Variants in PCDHGA1 observed in about 807,000 individuals in gnomAD.
PCDHGA1 encodes the protein protocadherin gamma-A1.
Under a neutral mutation model 58.0 loss-of-function variants are expected in PCDHGA1, and 32 were observed. The ratio of observed to expected loss-of-function variants is 0.55; its 90% CI spans 0.42 to 0.74. The LOEUF (loss-of-function observed/expected upper bound fraction) is 0.74. PCDHGA1 is among the 30% of genes least tolerant of loss of function. PCDHGA1 has a pLI of 0.00. For missense variants in PCDHGA1, 1,205 were observed against 1,182.3 expected (o/e 1.02, Z -0.28); for synonymous variants, 498 against 501.1 (o/e 0.99, Z 0.08).
Position 141,491,895 on chromosome 5 carries a change from A to G in PCDHGA1, c.2422-2912A>G. On this transcript the variant is annotated intron_variant, in intron 1 of 3. Transcript: ENST00000517417. This position sits in a 1 kb window ranked among gnomAD's most constrained non-coding sequence, Gnocchi z 6.9. Reference sequence around the variant, plus strand: ...CCGATTAAGGGATGGGGCTCCGAGCACCGGGGGTGGTGGCGACTGTGGGCG... The same window carrying G: ...CCGATTAAGGGATGGGGCTCCGAGCGCCGGGGGTGGTGGCGACTGTGGGCG... 7.0e-7 allele frequency: 1 copy of G among 1,434,306 alleles called. No homozygotes were observed. The highest frequency in any genetic ancestry group is 9.2e-7 in the Non-Finnish European group (1 of 1,084,904). 88.8% of individuals were successfully genotyped at this position (1,434,306 alleles called of 1,614,324 possible). A position where few individuals can be genotyped will look rare whatever the true frequency, so the allele number is the denominator to read the frequency against.
chr5:141,372,133 G>T (rs576893125), intron 1 of PCDHGA1: 18 of 1,613,666 alleles, frequency 1.1e-5, no homozygotes, highest in East Asian at 2.2e-5. Flanking sequence ...ATGGTGCCGC[G>T]CTCTGCAGAG....
chr5:141,383,036 G>T, intron 1 of PCDHGA1: 1 of 1,613,876 alleles, frequency 6.2e-7, no homozygotes, highest in Non-Finnish European at 8.5e-7. Flanking sequence ...TCCTTTGTGG[G>T]AGACATCGCC....
chr5:141,489,459 C>T lies in PCDHGA1; in HGVS notation c.2422-5348C>T. The T allele has an allele frequency of 6.2e-7, 1 of 1,614,086 alleles. No homozygotes were observed. The highest frequency in any genetic ancestry group is 8.5e-7 in the Non-Finnish European group (1 of 1,180,012). On this transcript the variant is annotated intron_variant, in intron 1 of 3. Coordinates refer to ENST00000517417, the MANE Select transcript of PCDHGA1 (RefSeq NM_018912.3). The surrounding 1 kb of genome is among the most constrained non-coding windows in gnomAD (Gnocchi z 4.5). The stretch of plus-strand genomic sequence containing the variant: ...AATTGGGCTCTGAGGAGAATGGGCG[C>T]TATTTTTCCCTGAGCTTGATGAGTG...
chr5:141,468,226 G>T (rs967204965), intron 1 of PCDHGA1, among the ~76,000 whole-genome samples: 2 of 151,038 alleles, frequency 1.3e-5, no homozygotes, highest in Admixed American at 1.3e-4. Flanking sequence ...TTGGGAGGAT[G>T]AGGTAGGAGA....
intron 1 of PCDHGA1, chr5:141,419,783 C>A: frequency 1.2e-6 from 2 of 1,614,070 alleles, no homozygotes; most frequent in Non-Finnish European, 1.7e-6. Context: ...CCGCCAGCGC[C>A]TGCTAGTCGC....
chr5:141,486,012 A>C lies in PCDHGA1; in HGVS notation c.2422-8795A>C. The C allele has an allele frequency of 1.9e-6, 3 of 1,614,064 alleles. No homozygotes were observed. The highest frequency in any genetic ancestry group is 2.5e-6 in the Non-Finnish European group (3 of 1,179,984). On this transcript the variant is annotated intron_variant, in intron 1 of 3. Coordinates refer to ENST00000517417, the MANE Select transcript of PCDHGA1 (RefSeq NM_018912.3). The surrounding 1 kb of genome is among the most constrained non-coding windows in gnomAD (Gnocchi z 5.0). ...GGTCCCAGTGGTAACGTCACCTTTT[A>C]TTTCAGTGGTCATACCCCTGATCGT...
At chr5:141,394,425 G>A (rs2092997484) in intron 1 of PCDHGA1, 6 of 1,614,232 alleles carry the variant, frequency 3.7e-6, no homozygotes, top group Non-Finnish European at 5.1e-6. Flanking sequence ...CAGCGACAGC[G>A]GGGACCCGCC....
intron 1 of PCDHGA1, chr5:141,389,665 C>A (rs1258802999): frequency 6.2e-7 from 1 of 1,612,414 alleles, no homozygotes; most frequent in East Asian, 2.2e-5. Context: ...GCGGTGGACG[C>A]AGACTCAGGA....
rs2090286148 is a variant in PCDHGA1 at position 141,385,565 on chromosome 5, C to T, written c.2421+52460C>T. ...GGACTATCACATTTTATAATTTCCA[C>T]CTACTTTCCAATCTATGTTCCAACC... On this transcript the variant is annotated intron_variant, in intron 1 of 3. Transcript: ENST00000517417. 2.3e-6 allele frequency: 3 copies of T among 1,302,312 alleles called. No homozygotes were observed. In the African/African-American group the frequency reaches 4.6e-5, roughly 20 times the overall value. 80.7% of individuals were successfully genotyped at this position (1,302,312 alleles called of 1,614,324 possible). A position where few individuals can be genotyped will look rare whatever the true frequency, so the allele number is the denominator to read the frequency against.
chr5:141,404,463 A>G lies in PCDHGA1; in HGVS notation c.2421+71358A>G, dbSNP rs969137248. 10 of 1,612,548 alleles carry G rather than the reference A, an allele frequency of 6.2e-6. No homozygotes were observed. In the South Asian group the frequency reaches 9.9e-5, roughly 16 times the overall value. ...ATCCAAGGGTCTCCTCTCTCCACCTATGTCTCTATTAACTCAGACACTGGT... is the reference window on the plus strand; with the variant it reads ...ATCCAAGGGTCTCCTCTCTCCACCTGTGTCTCTATTAACTCAGACACTGGT... On this transcript the variant is annotated intron_variant, in intron 1 of 3. Transcript: ENST00000517417.
rs754537015 is a variant in PCDHGA1 at position 141,431,184 on chromosome 5, T to C, written c.2422-63623T>C. The C allele has an allele frequency of 2.5e-6, 4 of 1,614,090 alleles. No individual in the cohort carries two copies. In the South Asian group the frequency reaches 3.3e-5, roughly 13 times the overall value. ...CGTGAAAGTGAATTAGAAATAAAAATTAGTGAAAATGCAGCCACTGAGATG... is the reference window on the plus strand; with the variant it reads ...CGTGAAAGTGAATTAGAAATAAAAACTAGTGAAAATGCAGCCACTGAGATG... On this transcript the variant is annotated intron_variant, in intron 1 of 3. Coordinates refer to ENST00000517417, the MANE Select transcript of PCDHGA1 (RefSeq NM_018912.3). This position sits in a 1 kb window ranked among gnomAD's most constrained non-coding sequence, Gnocchi z 4.8.
Position 141,476,540 on chromosome 5 carries a change from T to C in PCDHGA1, c.2422-18267T>C, listed in dbSNP as rs148362631. On this transcript the variant is annotated intron_variant, in intron 1 of 3. Coordinates refer to ENST00000517417, the MANE Select transcript of PCDHGA1 (RefSeq NM_018912.3). The surrounding 1 kb of genome is among the most constrained non-coding windows in gnomAD (Gnocchi z 7.6). Reference sequence around the variant, plus strand: ...TGCTTTCCCTACCCAGGAAATGAAATTGGAGATTAGCGAGGCCGTGGCTCC... The same window carrying C: ...TGCTTTCCCTACCCAGGAAATGAAACTGGAGATTAGCGAGGCCGTGGCTCC... 9.4e-5 allele frequency: 151 copies of C among 1,614,122 alleles called. 1 individual carries two copies. In the African/African-American group the frequency reaches 1.3e-3, roughly 14 times the overall value.
chr5:141,410,175 C>T (rs202065305), intron 1 of PCDHGA1: 5 of 1,613,752 alleles, frequency 3.1e-6, no homozygotes, highest in Non-Finnish European at 8.5e-7. Flanking sequence ...TCTGCCACCG[C>T]CACGCTTCAT....
intron 1 of PCDHGA1, chr5:141,351,046 G>T (rs922791130): frequency 6.2e-7 from 1 of 1,614,052 alleles, no homozygotes; most frequent in South Asian, 1.1e-5. Flanking sequence ...TGCGGGTGAT[G>T]GCCACAGACC....
rs529565659 is a variant in PCDHGA1, at chr5:141,353,974, T to C, written c.2421+20869T>C. 7.9e-5 allele frequency among the ~76,000 whole-genome samples: 12 copies of C among 152,368 alleles called. 1 individual carries two copies. The East Asian group carries it at 2.3e-3, about 29-fold the overall frequency. On this transcript the variant is annotated intron_variant, in intron 1 of 3. Transcript: ENST00000517417. ...GGAATAAGCTTAAGAACTGATGTAC[T>C]GCTTTATCTCAAATTTTCACAGATT...
chr5:141,465,627 A>C lies in PCDHGA1; in HGVS notation c.2422-29180A>C, dbSNP rs370355596. 1.1e-4 allele frequency among the ~76,000 whole-genome samples: 17 copies of C among 152,326 alleles called. 1 individual carries two copies. The South Asian group carries it at 3.3e-3, about 30-fold the overall frequency. On this transcript the variant is annotated intron_variant, in intron 1 of 3. Coordinates refer to ENST00000517417, the MANE Select transcript of PCDHGA1 (RefSeq NM_018912.3). ...TCTTTGGCCCTCCAGGAAGTCAACCAGCAAAATGCTTTGAACATCCCAAAA... is the reference window on the plus strand; with the variant it reads ...TCTTTGGCCCTCCAGGAAGTCAACCCGCAAAATGCTTTGAACATCCCAAAA...
chr5:141,362,006 G>A (rs754740596), intron 1 of PCDHGA1: 7 of 1,605,202 alleles, frequency 4.4e-6, no homozygotes, highest in Non-Finnish European at 5.9e-6. Flanking sequence ...TTGCGCACGG[G>A]TGAGGTGCGC....
rs1259021130 is a variant in PCDHGA1 at position 141,485,083 on chromosome 5, G to C, written c.2422-9724G>C. ...GCGCCAGAGCTGGCGCGGGGAAAGG[G>C]AGATAGGTGTCTCCAGCTGCTGTGG... On this transcript the variant is annotated intron_variant, in intron 1 of 3. Coordinates refer to ENST00000517417, the MANE Select transcript of PCDHGA1 (RefSeq NM_018912.3). The surrounding 1 kb of genome is among the most constrained non-coding windows in gnomAD (Gnocchi z 5.7). The C allele has an allele frequency of 1.0e-6, 1 of 989,386 alleles. No homozygotes were observed. The highest frequency in any genetic ancestry group is 1.6e-5 in the African/African-American group (1 of 61,992). 61.3% of individuals were successfully genotyped at this position (989,386 alleles called of 1,614,324 possible).
intron 1 of PCDHGA1, chr5:141,340,699 G>C (rs1329711555): frequency 6.2e-7 from 1 of 1,614,040 alleles, no homozygotes; most frequent in African/African-American, 1.3e-5. Context: ...CTGGCGTGGA[G>C]CTGGCGCCCC....
Sources: gnomAD v4.1 joint callset for allele counts (sites outside exome capture counted in the v4.1 genomes callset) on GRCh38, gnomAD v4.1.1 for gene constraint, Gnocchi (gnomAD v3.1) non-coding constraint, MANE v1.5 for transcripts, NCBI Gene and HGNC (gene_info 2026-07-23, HGNC 2026-07-21) for gene names.